Variants in RGS12 observed in about 807,000 individuals in gnomAD.
The protein encoded by RGS12 is regulator of G-protein signaling 12.
Under a neutral mutation model 120.1 loss-of-function variants are expected in RGS12, and 66 were observed. That is an observed-to-expected ratio of 0.55 (90% CI 0.45 to 0.67). The LOEUF is 0.67. Among genes scored for constraint, RGS12 ranks in the 30% least tolerant of loss-of-function variants. RGS12 has a pLI of 0.00. For missense variants in RGS12, 1,859 were observed against 1,957.7 expected (o/e 0.95, Z 0.95); for synonymous variants, 827 against 804.7 (o/e 1.03, Z -0.47).
rs775699922 is a variant in RGS12, at chr4:3,317,057, C to T, written c.887C>T (p.Ala296Val). 6.2e-7 allele frequency: 1 copy of T among 1,613,632 alleles called. No individual in the cohort carries two copies. Residue 296 changes from alanine to valine, a missense_variant, in exon 2 of 18, where the codon GCC becomes GTC. By Grantham distance (64) the Ala-to-Val change is moderately conservative. Transcript: ENST00000336727. The part of the protein sequence containing the change: ...DKAGVVAEYP[A>V]EKLAFSAVCP... ...GCTGGAGTCGTGGCCGAGTACCCGG[C>T]CGAGAAGCTGGCCTTCAGCGCCGTG...
intron 3 of RGS12, among the ~76,000 whole-genome samples, chr4:3,354,088 A>G (rs1365012764): frequency 6.6e-6 from 1 of 152,164 alleles, no homozygotes; most frequent in Non-Finnish European, 1.5e-5. Context: ...CAAATTGGAC[A>G]AAGGATCATG....
In RGS12 at chr4:3,317,493, G is replaced by T; in HGVS notation, c.1323G>T (p.Val441=). 1 of 1,613,582 alleles carries T rather than the reference G, an allele frequency of 6.2e-7. No individual in the cohort carries two copies. The highest frequency in any genetic ancestry group is 8.5e-7 in the Non-Finnish European group (1 of 1,180,026). ...AGAAGAGCAACCGGGTCCTTGTGGT[G>T]GACCTGGGTGGGAGCTCGAGCAGAC... ...QEEKSNRVLV[V]DLGGSSSRHG... The change falls in exon 2 of 18, where the codon GTG becomes GTT. Residue 441 remains valine (V), a synonymous_variant. Coordinates refer to ENST00000336727, the MANE Select transcript of RGS12 (RefSeq NM_001394154.1).
chr4:3,393,926 C>T (rs1417351608), intron 4 of RGS12, among the ~76,000 whole-genome samples: 1 of 152,176 alleles, frequency 6.6e-6, no homozygotes, highest in African/African-American at 2.4e-5. Flanking sequence ...TCCCCAGGCC[C>T]GTCCCTGGAG....
chr4:3,414,735 G>A lies in RGS12; in HGVS notation c.2191-17G>A. Reference sequence around the variant, plus strand: ...CCCTGTGTCAGTGTTAATAAATGGTGTCTTTGTCTTTCTTAGGATTTTCTA... The same window carrying A: ...CCCTGTGTCAGTGTTAATAAATGGTATCTTTGTCTTTCTTAGGATTTTCTA... On this transcript the variant is annotated splice_polypyrimidine_tract_variant and intron_variant, in intron 5 of 17. Coordinates refer to ENST00000336727, the MANE Select transcript of RGS12 (RefSeq NM_001394154.1). 6.4e-7 allele frequency: 1 copy of A among 1,553,558 alleles called. No homozygotes were observed. The highest frequency in any genetic ancestry group is 8.9e-7 in the Non-Finnish European group (1 of 1,124,874).
At chr4:3,310,786 G>C (rs534101473) in intron 1 of RGS12, among the ~76,000 whole-genome samples, 1 of 152,094 alleles carries the variant, frequency 6.6e-6, no homozygotes. Flanking sequence ...GTGTGAGGTG[G>C]GCAGGCGCCT....
chr4:3,363,860 C>G (rs932662923), intron 3 of RGS12, among the ~76,000 whole-genome samples: 1 of 151,942 alleles, frequency 6.6e-6, no homozygotes, highest in Non-Finnish European at 1.5e-5. Context: ...TGAGGGTGGC[C>G]TGGAGGGCTG....
intron 16 of RGS12, among the ~76,000 whole-genome samples, chr4:3,429,959 G>A (rs903792414): frequency 4.6e-5 from 7 of 152,280 alleles, no homozygotes; most frequent in East Asian, 1.9e-4. Context: ...TTCTGCTCCC[G>A]ACTTTGAGGA....
chr4:3,302,280 G>A (rs1464549111), intron 1 of RGS12, among the ~76,000 whole-genome samples: 3 of 152,070 alleles, frequency 2.0e-5, no homozygotes, highest in East Asian at 1.9e-4. Context: ...TCACCAGGCC[G>A]GTGCCCAGAG....
chr4:3,308,880 A>T (rs1277069966), intron 1 of RGS12, among the ~76,000 whole-genome samples: 1 of 152,200 alleles, frequency 6.6e-6, no homozygotes, highest in Non-Finnish European at 1.5e-5. Context: ...CCTTTGTTGA[A>T]GGCTGAGAGG....
intron 2 of RGS12, chr4:3,324,358 T>G (rs1323649765): frequency 1.1e-5 from 2 of 183,416 alleles, no homozygotes; most frequent in African/African-American, 4.8e-5. Flanking sequence ...TATCAACCCC[T>G]GCTGGAAGGA....
At chr4:3,414,898 C>T (rs1197113174) in intron 6 of RGS12, 54 bp downstream of exon 6, 22 of 1,326,608 alleles carry the variant, frequency 1.7e-5, no homozygotes, top group South Asian at 1.2e-4. Context: ...GTGAGAGAGA[C>T]GCATGTGAGG....
chr4:3,393,764 T>C (rs1360914816), intron 4 of RGS12, among the ~76,000 whole-genome samples: 1 of 152,228 alleles, frequency 6.6e-6, no homozygotes, highest in Non-Finnish European at 1.5e-5. Context: ...CCACGGCAGA[T>C]AGAGTTCTGT....
chr4:3,317,427 C>G lies in RGS12; in HGVS notation c.1257C>G (p.Ser419Arg), dbSNP rs1292689553. 1.9e-6 allele frequency: 3 copies of G among 1,613,992 alleles called. No individual in the cohort carries two copies. Among genetic ancestry groups the G allele is most frequent in the Non-Finnish European group, 1.7e-6 (2 of 1,180,046 alleles). Residue 419 changes from serine to arginine, a missense_variant, in exon 2 of 18, where the codon AGC (serine) becomes AGG (arginine). By Grantham distance (110) the Ser-to-Arg change is moderately radical. This residue lies in a region of RGS12 where 967 missense variants were observed against 994.2 expected (regional missense o/e 0.97). Transcript: ENST00000336727. ...DADAHQNNST[S>R]SNSDSGIGNF... ...ATGCCCACCAGAACAACAGCACCAGCAGCAACAGTGACAGCGGCATTGGGA... is the reference window on the plus strand; with the variant it reads ...ATGCCCACCAGAACAACAGCACCAGGAGCAACAGTGACAGCGGCATTGGGA...
At chr4:3,362,131 G>A (rs1326237774) in intron 3 of RGS12, among the ~76,000 whole-genome samples, 3 of 152,100 alleles carry the variant, frequency 2.0e-5, no homozygotes, top group Admixed American at 6.5e-5. Context: ...GTTTCTCCAC[G>A]TGTGTTCCCT....
intron 3 of RGS12, among the ~76,000 whole-genome samples, chr4:3,355,822 AAAG>A (rs1257984867): frequency 2.0e-5 from 3 of 151,372 alleles, no homozygotes; most frequent in Non-Finnish European, 2.9e-5. Flanking sequence ...AAAAAGGAAA[AAAG>A]AAGAAAAAGA....
intron 2 of RGS12, among the ~76,000 whole-genome samples, chr4:3,334,143 T>C (rs1052205878): frequency 6.6e-6 from 1 of 152,246 alleles, no homozygotes; most frequent in Non-Finnish European, 1.5e-5. Flanking sequence ...CCAGCTCTTA[T>C]GATATGTGGA....
the RGS12 span, among the ~76,000 whole-genome samples, chr4:3,287,149 C>CG: frequency 2.6e-5 from 4 of 152,224 alleles, no homozygotes; most frequent in African/African-American, 9.6e-5. Flanking sequence ...GAGCGAGCAG[C>CG]GCCCAGGCCC....
At chr4:3,394,685 G>A (rs994150789) in intron 4 of RGS12, among the ~76,000 whole-genome samples, 1 of 152,074 alleles carries the variant, frequency 6.6e-6, no homozygotes, top group Non-Finnish European at 1.5e-5. Context: ...TAGCTTACAC[G>A]CTGAAAGGTA....
chr4:3,340,232 C>T lies in RGS12; in HGVS notation c.1882-2705C>T, dbSNP rs574019089. Among the ~76,000 whole-genome samples the T allele has an allele frequency of 1.3e-3, 203 of 152,272 alleles. 3 individuals are homozygous for T. The South Asian group carries it at 0.038, about 29-fold the overall frequency. Reference sequence around the variant, plus strand: ...GGCCGCACACCTGCCAGGAGCCGGGCGCTGTGCTGGGCAGCAAGTTTTCAG... The same window carrying T: ...GGCCGCACACCTGCCAGGAGCCGGGTGCTGTGCTGGGCAGCAAGTTTTCAG... On this transcript the variant is annotated intron_variant, in intron 2 of 17. Transcript: ENST00000336727.
Sources: gnomAD v4.1 joint callset for allele counts (sites outside exome capture counted in the v4.1 genomes callset) on GRCh38, gnomAD v4.1.1 for gene constraint, gnomAD v4.1.1 regional missense constraint, MANE v1.5 for transcripts, NCBI Gene and HGNC (gene_info 2026-07-23, HGNC 2026-07-21) for gene names.